The following LRP1B variants were observed in gnomAD, a reference collection of about 807,000 sequenced individuals.
LRP1B encodes the protein LDL receptor related protein 1B.
Under a neutral mutation model 556.6 loss-of-function variants are expected in LRP1B, and 217 were observed. The observed-to-expected ratio is 0.39, with a 90% CI of 0.35 to 0.44. The LOEUF is 0.44. Among genes scored for constraint, LRP1B ranks in the 20% least tolerant of loss-of-function variants. The pLI is 1.00. For synonymous variants in LRP1B, 2,047 were observed against 1,865.8 expected, an observed-to-expected ratio of 1.10 and a Z score of -2.50; for missense variants, 5,053 against 5,620.8, an observed-to-expected ratio of 0.90 and a Z score of 3.23.
chr2:141,825,781 A>G (rs553882496), intron 1 of LRP1B, among the ~76,000 whole-genome samples: 3 of 152,332 alleles, frequency 2.0e-5, no homozygotes, highest in Admixed American at 2.0e-4. Flanking sequence ...ATTAAAAAGA[A>G]GAGGCCTAAT....
chr2:140,537,110 G>A (rs970804161), intron 45 of LRP1B, among the ~76,000 whole-genome samples: 1 of 150,824 alleles, frequency 6.6e-6, no homozygotes, highest in African/African-American at 2.4e-5. Flanking sequence ...GGCAGAGGTT[G>A]TAGTGAGTGG....
At chr2:142,011,466 A>T (rs775578788) in intron 1 of LRP1B, among the ~76,000 whole-genome samples, 38 of 152,222 alleles carry the variant, frequency 2.5e-4, no homozygotes, top group Non-Finnish European at 5.1e-4. Flanking sequence ...ATGGTGATCT[A>T]GCTTAAAGCC....
chr2:140,895,858 C>T (rs1028709542), intron 23 of LRP1B, among the ~76,000 whole-genome samples: 1 of 152,176 alleles, frequency 6.6e-6, no homozygotes, highest in Non-Finnish European at 1.5e-5. Context: ...TGCTTCTCAA[C>T]AACGCCAAGC....
chr2:140,699,797 T>TTA (rs1195543735), intron 41 of LRP1B, among the ~76,000 whole-genome samples: 1 of 147,366 alleles, frequency 6.8e-6, no homozygotes, highest in East Asian at 2.0e-4. Flanking sequence ...ATAATATATA[T>TTA]TATATATATA....
chr2:141,156,223 GA>G (rs1702062786), intron 7 of LRP1B, among the ~76,000 whole-genome samples: 1 of 152,116 alleles, frequency 6.6e-6, no homozygotes, highest in African/African-American at 2.4e-5. Flanking sequence ...TATGCCAACA[GA>G]AAACCAAGAA....
At chr2:140,402,458 A>C (rs572298943) in intron 66 of LRP1B, among the ~76,000 whole-genome samples, 1 of 152,300 alleles carries the variant, frequency 6.6e-6, no homozygotes, top group South Asian at 2.1e-4. Context: ...CTTCACAGTG[A>C]CTGCATCCCC....
chr2:140,604,300 A>C (rs1217939664), intron 41 of LRP1B, among the ~76,000 whole-genome samples: 1 of 152,048 alleles, frequency 6.6e-6, no homozygotes, highest in Non-Finnish European at 1.5e-5. Context: ...GCTAAGCATG[A>C]GTCAGGTCCT....
chr2:140,435,024 A>G (rs1229808199), intron 66 of LRP1B, among the ~76,000 whole-genome samples: 1 of 152,198 alleles, frequency 6.6e-6, no homozygotes, highest in Non-Finnish European at 1.5e-5. Context: ...TCACTAACAC[A>G]AAGCATAATC....
chr2:140,880,925 G>T (rs1015709773), intron 25 of LRP1B, among the ~76,000 whole-genome samples: 1 of 151,990 alleles, frequency 6.6e-6, no homozygotes, highest in Admixed American at 6.6e-5. Context: ...ATTCAAAGAG[G>T]CTTAGAAGGA....
intron 17 of LRP1B, among the ~76,000 whole-genome samples, chr2:140,984,295 T>C (rs557475467): frequency 6.6e-6 from 1 of 152,068 alleles, no homozygotes; most frequent in East Asian, 1.9e-4. Flanking sequence ...CCTCTTTGTT[T>C]TCCCTTATTT....
intron 10 of LRP1B, among the ~76,000 whole-genome samples, chr2:141,053,696 T>A (rs112657909): frequency 5.7e-4 from 86 of 152,046 alleles, no homozygotes; most frequent in African/African-American, 2.0e-3. Context: ...ATAGCTGGAG[T>A]TGTTTCTGAT....
chr2:141,036,993 C>G (rs946416511), intron 11 of LRP1B, among the ~76,000 whole-genome samples: 1 of 152,152 alleles, frequency 6.6e-6, no homozygotes. Flanking sequence ...CACGCAGGAC[C>G]TAAGACCAAG....
intron 43 of LRP1B, among the ~76,000 whole-genome samples, chr2:140,552,520 G>A (rs1043590291): frequency 1.4e-4 from 21 of 152,116 alleles, no homozygotes; most frequent in African/African-American, 3.9e-4. Flanking sequence ...CTGCCATCTC[G>A]TTTTTCATTA....
chr2:142,110,042 C>T (rs535915922), intron 1 of LRP1B, among the ~76,000 whole-genome samples: 2 of 152,180 alleles, frequency 1.3e-5, no homozygotes, highest in East Asian at 3.9e-4. Flanking sequence ...AGTCTTCATT[C>T]TGATTTTCCG....
At chr2:140,959,800 C>T (rs554063244) in intron 18 of LRP1B, among the ~76,000 whole-genome samples, 1 of 151,778 alleles carries the variant, frequency 6.6e-6, no homozygotes, top group East Asian at 1.9e-4. Context: ...TTATATTTCA[C>T]AGTGACAACC....
At chr2:140,559,067 T>C (rs902313534) in intron 43 of LRP1B, among the ~76,000 whole-genome samples, 6 of 152,038 alleles carry the variant, frequency 3.9e-5, no homozygotes, top group Non-Finnish European at 8.8e-5. Context: ...AAACAGATAA[T>C]AGTCTTGCAA....
chr2:140,963,302 TGGAA>T (rs1696094197), intron 18 of LRP1B, among the ~76,000 whole-genome samples: 1 of 151,870 alleles, frequency 6.6e-6, no homozygotes, highest in Non-Finnish European at 1.5e-5. Context: ...GAAGATTATT[TGGAA>T]GGAAGAAGAA....
intron 3 of LRP1B, among the ~76,000 whole-genome samples, chr2:141,425,826 T>G (rs1333262449): frequency 6.6e-6 from 1 of 151,860 alleles, no homozygotes; most frequent in African/African-American, 2.4e-5. Context: ...ATTAGCCCTT[T>G]GTCAGATGAG....
intron 13 of LRP1B, among the ~76,000 whole-genome samples, chr2:141,014,235 T>C (rs1423317961): frequency 1.3e-5 from 2 of 152,060 alleles, no homozygotes; most frequent in Non-Finnish European, 2.9e-5. Flanking sequence ...ATTGAGCCAA[T>C]GCAAATTGAA....
Sources: allele counts gnomAD v4.1 joint callset (sites outside exome capture counted in the v4.1 genomes callset), GRCh38; gene constraint gnomAD v4.1.1; transcripts MANE v1.5; gene names NCBI Gene and HGNC (gene_info 2026-07-23, HGNC 2026-07-21).